Variants in PCDHGB7 observed in about 807,000 individuals in gnomAD.
PCDHGB7 encodes protocadherin gamma-B7.
Under a neutral mutation model 61.4 loss-of-function variants are expected in PCDHGB7, and 37 were observed. That is an observed-to-expected ratio of 0.60 (90% CI 0.46 to 0.79). The LOEUF (loss-of-function observed/expected upper bound fraction) is 0.79. Among genes scored for constraint, PCDHGB7 ranks in the 30% least tolerant of loss-of-function variants. The probability of loss-of-function intolerance (pLI) is 0.00; values close to 1 mark genes in which losing one functional copy is unlikely to be tolerated. For synonymous variants in PCDHGB7, 464 were observed against 503.5 expected (o/e 0.92, Z 1.05); for missense variants, 1,166 against 1,202.5 (o/e 0.97, Z 0.45).
At chr5:141,438,605 T>TAC (rs2098010130) in intron 1 of PCDHGB7, among the ~76,000 whole-genome samples, 1 of 27,802 alleles carries the variant, frequency 3.6e-5, no homozygotes. Flanking sequence ...TATATATATA[T>TAC]ATATATATAT....
chr5:141,456,698 C>T (rs1466672057), intron 1 of PCDHGB7, among the ~76,000 whole-genome samples: 1 of 152,132 alleles, frequency 6.6e-6, no homozygotes, highest in Non-Finnish European at 1.5e-5. Flanking sequence ...GGCGTGGTGG[C>T]TCGCGCCTGT....
chr5:141,422,276 T>G, intron 1 of PCDHGB7: 3 of 1,558,820 alleles, frequency 1.9e-6, no homozygotes, highest in South Asian at 1.3e-5. Context: ...GAAATAACTA[T>G]CACCTCTTCT....
chr5:141,494,468 C>G (rs2099754577), intron 1 of PCDHGB7, among the ~76,000 whole-genome samples: 1 of 152,136 alleles, frequency 6.6e-6, no homozygotes, highest in East Asian at 1.9e-4. Context: ...TGCACCTCTT[C>G]CCCCAGTTCC....
intron 1 of PCDHGB7, among the ~76,000 whole-genome samples, chr5:141,445,277 A>G (rs769047096): frequency 6.6e-6 from 1 of 152,256 alleles, no homozygotes; most frequent in African/African-American, 2.4e-5. Flanking sequence ...ACCACTCTGC[A>G]TAAGTTCAGG....
At chr5:141,450,869 G>A (rs1435272731) in intron 1 of PCDHGB7, among the ~76,000 whole-genome samples, 1 of 147,142 alleles carries the variant, frequency 6.8e-6, no homozygotes, top group Admixed American at 6.9e-5. Context: ...CTGTCACCCA[G>A]GCTGGTGTGC....
intron 1 of PCDHGB7, among the ~76,000 whole-genome samples, chr5:141,492,482 A>G (rs1339196127): frequency 6.6e-6 from 1 of 152,182 alleles, no homozygotes; most frequent in Non-Finnish European, 1.5e-5. Context: ...GCGGCCGCCC[A>G]GGACCAGGCG....
In PCDHGB7 at chr5:141,477,590, C is replaced by T. The variant is rs1465863595; in HGVS notation, c.2416-17217C>T. On this transcript the variant is annotated intron_variant, in intron 1 of 3. Coordinates refer to ENST00000398594, the MANE Select transcript of PCDHGB7 (RefSeq NM_018927.4). This position sits in a 1 kb window ranked among gnomAD's most constrained non-coding sequence, Gnocchi z 4.9. ...CCCCGACGCCCCGCAGAATGCTCGG[C>T]TTTCTTTCTTTCTCTTGGAGCAAGG... The T allele has an allele frequency of 1.2e-6, 2 of 1,614,122 alleles. No individual in the cohort carries two copies. Among genetic ancestry groups the T allele is most frequent in the South Asian group, 2.2e-5 (2 of 91,080 alleles).
At chr5:141,462,651 CA>C (rs60282352) in intron 1 of PCDHGB7, among the ~76,000 whole-genome samples, 42,411 of 152,004 alleles carry the variant, frequency 0.28, 6,634 homozygotes, top group African/African-American at 0.43. Flanking sequence ...TTTCCATCCT[CA>C]ATTATCTTCA....
intron 3 of PCDHGB7, among the ~76,000 whole-genome samples, chr5:141,509,050 C>T (rs867585045): frequency 1.6e-4 from 25 of 152,304 alleles, no homozygotes; most frequent in Admixed American, 5.2e-4. Flanking sequence ...CCCCCGCCCC[C>T]AGAAAGCTCT....
rs777856819 is a variant in PCDHGB7, at chr5:141,487,572, T to A, written c.2416-7235T>A. On this transcript the variant is annotated intron_variant, in intron 1 of 3. Coordinates refer to ENST00000398594, the MANE Select transcript of PCDHGB7 (RefSeq NM_018927.4). The surrounding 1 kb of genome is among the most constrained non-coding windows in gnomAD (Gnocchi z 5.0). ...AGTGCACCTATGGCAGGGGAGCCTG[T>A]TCGCCCAAGCTGCCCACCCTCTGAT... 1 of 1,614,168 alleles carries A rather than the reference T, an allele frequency of 6.2e-7. No individual in the cohort carries two copies. Among genetic ancestry groups the A allele is most frequent in the Non-Finnish European group, 8.5e-7 (1 of 1,180,034 alleles).
rs1426255577 is a variant in PCDHGB7, at chr5:141,512,797, TG to T, written c.*1625del. 6.6e-6 allele frequency: 1 copy of T among 152,300 alleles called. No homozygotes were observed. Among genetic ancestry groups the T allele is most frequent in the African/African-American group, 2.4e-5 (1 of 41,444 alleles). The allele number at this position is 152,300 out of a possible 1,614,324, so 9.4% of individuals were successfully genotyped here. On this transcript the variant is annotated 3_prime_UTR_variant, in exon 4 of 4. Transcript: ENST00000398594. ...GCGGCCCGTGTTGTGTTTTGTGCTGTGTCCACGCGCTAAGGCGACCCCCTCC... is the reference window on the plus strand; with the variant it reads ...GCGGCCCGTGTTGTGTTTTGTGCTGTTCCACGCGCTAAGGCGACCCCCTCC...
intron 3 of PCDHGB7, chr5:141,507,285 C>T (rs80317708): frequency 2.7e-5 from 4 of 150,212 alleles, no homozygotes; most frequent in African/African-American, 7.4e-5. Flanking sequence ...ATAAGTCAGT[C>T]TCAAATGTTG....
At chr5:141,422,498 C>T (rs1482415670) in intron 1 of PCDHGB7, 1 of 1,613,964 alleles carries the variant, frequency 6.2e-7, no homozygotes, top group Admixed American at 1.7e-5. Flanking sequence ...ATAACGTTGA[C>T]AGCCACAGAC....
At chr5:141,465,186 G>T (rs2099098546) in intron 1 of PCDHGB7, among the ~76,000 whole-genome samples, 1 of 151,852 alleles carries the variant, frequency 6.6e-6, no homozygotes, top group African/African-American at 2.4e-5. Flanking sequence ...TTAATTAAAA[G>T]ATAAAAATAA....
chr5:141,481,913 CAA>C (rs34114744), intron 1 of PCDHGB7, among the ~76,000 whole-genome samples: 12,059 of 90,730 alleles, frequency 0.13, 576 homozygotes, highest in African/African-American at 0.21. Flanking sequence ...AACTCCATCT[CAA>C]AAAAAAAAAA....
intron 1 of PCDHGB7, chr5:141,471,252 T>A (rs1003162914): frequency 6.6e-6 from 1 of 151,872 alleles, no homozygotes; most frequent in Admixed American, 6.6e-5. Flanking sequence ...GGTTTCACCA[T>A]GTTGGCAAGG....
In PCDHGB7 at chr5:141,432,469, C is replaced by A; in HGVS notation, c.2415+12195C>A. On this transcript the variant is annotated intron_variant, in intron 1 of 3. Coordinates refer to ENST00000398594, the MANE Select transcript of PCDHGB7 (RefSeq NM_018927.4). The surrounding 1 kb of genome is among the most constrained non-coding windows in gnomAD (Gnocchi z 6.0). ...TCCTGTACCCCGCCCTCCCCACGGA[C>A]GGTTCCACTGGCGTGGAGCTGGCTC... 6.2e-7 allele frequency: 1 copy of A among 1,614,218 alleles called. No individual in the cohort carries two copies.
chr5:141,426,375 G>A, intron 1 of PCDHGB7: 2 of 216,424 alleles, frequency 9.2e-6, no homozygotes, highest in South Asian at 7.8e-5. Flanking sequence ...GGGCACCCTC[G>A]GAGCAGATCC....
At position 141,419,788 on chromosome 5, in the gene PCDHGB7, A is replaced by G. The variant is rs750179874; in HGVS notation, c.1929A>G (p.Leu643=). 6.2e-7 allele frequency: 1 copy of G among 1,614,054 alleles called. No individual in the cohort carries two copies. Among genetic ancestry groups the G allele is most frequent in the Non-Finnish European group, 8.5e-7 (1 of 1,179,874 alleles). Residue 643 remains leucine (L), a synonymous_variant, in exon 1 of 4, where the codon CTA becomes CTG. Coordinates refer to ENST00000398594, the MANE Select transcript of PCDHGB7 (RefSeq NM_018927.4). ...GDKDSVRQRL[L]VAVRDGGQPP... ...AGGACTCGGTCCGCCAGCGCCTGCT[A>G]GTCGCTGTAAGAGATGGAGGACAGC...
Sources: gnomAD v4.1 joint callset for allele counts (sites outside exome capture counted in the v4.1 genomes callset) on GRCh38, gnomAD v4.1.1 for gene constraint, Gnocchi (gnomAD v3.1) non-coding constraint, MANE v1.5 for transcripts, NCBI Gene and HGNC (gene_info 2026-07-23, HGNC 2026-07-21) for gene names.